AGBL4: variants seen among roughly 807,000 people sequenced by gnomAD.
AGBL4 encodes the protein AGBL carboxypeptidase 4.
Under a neutral mutation model 66.4 loss-of-function variants are expected in AGBL4, and 58 were observed. The observed-to-expected ratio is 0.87, with a 90% CI of 0.71 to 1.09. The LOEUF is 1.09. AGBL4 is among the 50% of genes least tolerant of loss of function. The pLI, the probability that AGBL4 is intolerant of heterozygous loss-of-function variation, is 0.00. For missense variants in AGBL4, 579 were observed against 631.0 expected (o/e 0.92, Z 0.88); for synonymous variants, 234 against 222.9 (o/e 1.05, Z -0.44).
At chr1:48,957,658 C>T (rs571704860) in intron 5 of AGBL4, among the ~76,000 whole-genome samples, 1 of 152,308 alleles carries the variant, frequency 6.6e-6, no homozygotes, top group East Asian at 1.9e-4. Context: ...GCTTCTCTTC[C>T]ACTCCCCAGC....
chr1:49,174,019 G>T (rs1646786480), intron 4 of AGBL4, among the ~76,000 whole-genome samples: 2 of 152,162 alleles, frequency 1.3e-5, no homozygotes, highest in Admixed American at 6.5e-5. Flanking sequence ...TTAGTGAAAT[G>T]ATGGGATAAA....
At chr1:49,511,927 C>T (rs1649304260) in intron 3 of AGBL4, among the ~76,000 whole-genome samples, 1 of 151,954 alleles carries the variant, frequency 6.6e-6, no homozygotes. Context: ...CACTTATATT[C>T]CAGCATTCTG....
At chr1:48,599,184 T>C (rs1268198186) in intron 9 of AGBL4, among the ~76,000 whole-genome samples, 1 of 152,220 alleles carries the variant, frequency 6.6e-6, no homozygotes, top group Non-Finnish European at 1.5e-5. Flanking sequence ...CGTGGAACAC[T>C]TCCTGAAGGA....
At chr1:48,846,104 G>C (rs1273253135) in intron 6 of AGBL4, among the ~76,000 whole-genome samples, 2 of 152,066 alleles carry the variant, frequency 1.3e-5, no homozygotes, top group East Asian at 3.9e-4. Flanking sequence ...AGCAGTGTGA[G>C]AGCCACAACC....
At chr1:50,019,128 T>A (rs973659528) in intron 1 of AGBL4, among the ~76,000 whole-genome samples, 3 of 152,088 alleles carry the variant, frequency 2.0e-5, no homozygotes, top group Non-Finnish European at 4.4e-5. Flanking sequence ...ATATGCAGTA[T>A]TGCCTTTCCA....
intron 6 of AGBL4, among the ~76,000 whole-genome samples, chr1:48,792,818 T>C (rs533148339): frequency 8.3e-4 from 126 of 152,340 alleles, no homozygotes; most frequent in Non-Finnish European, 1.5e-3. Flanking sequence ...TGCTGGAGTA[T>C]GGTGCTGATA....
At chr1:49,250,214 G>T (rs1376960662) in intron 3 of AGBL4, among the ~76,000 whole-genome samples, 1 of 152,138 alleles carries the variant, frequency 6.6e-6, no homozygotes, top group Non-Finnish European at 1.5e-5. Context: ...AGGTAGAACA[G>T]AATTATAATG....
chr1:48,720,888 C>A (rs1331590650), intron 6 of AGBL4, among the ~76,000 whole-genome samples: 1 of 151,344 alleles, frequency 6.6e-6, no homozygotes, highest in Non-Finnish European at 1.5e-5. Flanking sequence ...GGGAGGGAGT[C>A]CTTTAGGAAT....
At chr1:48,708,910 C>T (rs918337035) in intron 6 of AGBL4, among the ~76,000 whole-genome samples, 2 of 152,170 alleles carry the variant, frequency 1.3e-5, no homozygotes, top group Admixed American at 6.5e-5. Flanking sequence ...GGGGAGGCTG[C>T]AAAGTCAGGC....
rs192589172 is a variant in AGBL4, at chr1:49,492,250, A to T, written c.282+205063T>A. Among the ~76,000 whole-genome samples the T allele has an allele frequency of 2.4e-3, 370 of 152,018 alleles. 2 individuals are homozygous for T. Among genetic ancestry groups the T allele is most frequent in the Non-Finnish European group, 4.5e-3 (306 of 67,918 alleles). On this transcript the variant is annotated intron_variant, in intron 3 of 13. Coordinates refer to ENST00000371839, the MANE Select transcript of AGBL4 (RefSeq NM_032785.4). ...GAGCCATAGCAATATTGATGGTTGA[A>T]TGTTTGGAGCAGACAATGTCAATGA...
chr1:48,898,204 C>T (rs1186099359), intron 5 of AGBL4, among the ~76,000 whole-genome samples: 1 of 152,016 alleles, frequency 6.6e-6, no homozygotes, highest in African/African-American at 2.4e-5. Context: ...GGTCATTAAT[C>T]CCTTGTCGGA....
intron 8 of AGBL4, chr1:48,647,538 TA>T: frequency 2.6e-6 from 1 of 380,918 alleles, no homozygotes; most frequent in Admixed American, 3.4e-5. Context: ...ATAAAACCAA[TA>T]AATTTATTCA....
intron 5 of AGBL4, among the ~76,000 whole-genome samples, chr1:48,961,852 C>T (rs921163892): frequency 2.6e-5 from 4 of 152,198 alleles, no homozygotes; most frequent in African/African-American, 4.8e-5. Context: ...TCAGGAGCCA[C>T]CTGACAGTCA....
intron 3 of AGBL4, among the ~76,000 whole-genome samples, chr1:49,390,916 G>T (rs964764689): frequency 1.3e-5 from 2 of 152,118 alleles, no homozygotes; most frequent in African/African-American, 2.4e-5. Context: ...GAAGAGAGAG[G>T]CATGGGGTAC....
At chr1:49,244,929 A>G (rs1651519014) in intron 4 of AGBL4, among the ~76,000 whole-genome samples, 1 of 151,776 alleles carries the variant, frequency 6.6e-6, no homozygotes, top group African/African-American at 2.4e-5. Context: ...TAAATGAATG[A>G]ATGAATTGGC....
chr1:48,908,494 A>C (rs1174384187), intron 5 of AGBL4, among the ~76,000 whole-genome samples: 1 of 152,234 alleles, frequency 6.6e-6, no homozygotes, highest in Non-Finnish European at 1.5e-5. Flanking sequence ...TTTTAAGTAC[A>C]CAAATGTCTT....
chr1:48,892,750 T>C (rs1287709112), intron 5 of AGBL4, among the ~76,000 whole-genome samples: 2 of 152,192 alleles, frequency 1.3e-5, no homozygotes, highest in Non-Finnish European at 2.9e-5. Flanking sequence ...AGGTTTGCCC[T>C]AAGCAGTTCC....
Position 48,991,002 on chromosome 1 carries a change from ACAC to A in AGBL4, c.594+54579_594+54581del, listed in dbSNP as rs372119476. On this transcript the variant is annotated intron_variant, in intron 5 of 13. Transcript: ENST00000371839. Reference sequence around the variant, plus strand: ...TGTACTTAAGATATGAGTAGTTTACACACCACAATTACAATGTTATAATATCCT... The same window carrying A: ...TGTACTTAAGATATGAGTAGTTTACACACAATTACAATGTTATAATATCCT... Among the ~76,000 whole-genome samples the A allele has an allele frequency of 4.5e-4, 68 of 152,052 alleles. 1 individual carries two copies. In the South Asian group the frequency reaches 9.6e-3, roughly 21 times the overall value.
At chr1:48,629,739 G>T (rs1645563722) in intron 9 of AGBL4, among the ~76,000 whole-genome samples, 1 of 152,126 alleles carries the variant, frequency 6.6e-6, no homozygotes, top group Non-Finnish European at 1.5e-5. Context: ...GCCATCTCAG[G>T]TTCTATCCTT....
Sources: allele counts gnomAD v4.1 joint callset (sites outside exome capture counted in the v4.1 genomes callset), GRCh38; gene constraint gnomAD v4.1.1; transcripts MANE v1.5; gene names NCBI Gene and HGNC (gene_info 2026-07-23, HGNC 2026-07-21).